Variants in CCDC18 observed in about 807,000 individuals in gnomAD.
The protein encoded by CCDC18 is coiled-coil domain-containing protein 18.
CCDC18 carries 157 observed loss-of-function variants against 196.0 expected under a neutral mutation model. The ratio of observed to expected loss-of-function variants is 0.80; its 90% CI spans 0.70 to 0.91. The LOEUF (loss-of-function observed/expected upper bound fraction) is 0.91. Ranked by LOEUF, CCDC18 falls within the 40% of genes least tolerant of loss-of-function variation. The probability of loss-of-function intolerance (pLI) is 0.00; values close to 1 mark genes in which losing one functional copy is unlikely to be tolerated. For synonymous variants in CCDC18, 482 were observed against 529.2 expected (o/e 0.91, Z 1.22); for missense variants, 1,465 against 1,611.6 (o/e 0.91, Z 1.56).
intron 25 of CCDC18, among the ~76,000 whole-genome samples, chr1:93,256,858 C>A (rs184677219): frequency 6.6e-6 from 1 of 152,104 alleles, no homozygotes; most frequent in Admixed American, 6.5e-5. Flanking sequence ...TAAGTGAGTT[C>A]GAGCTCTTAC....
Position 93,254,573 on chromosome 1 carries a change from G to C in CCDC18, c.3301G>C (p.Glu1101Gln), listed in dbSNP as rs1341882801. 2 of 1,610,596 alleles carry C rather than the reference G, an allele frequency of 1.2e-6. No homozygotes were observed. Among genetic ancestry groups the C allele is most frequent in the Non-Finnish European group, 1.7e-6 (2 of 1,178,626 alleles). ...NEQEISQLKK[E>Q]IERTQQRMKE... is the part of the protein sequence containing the mutation. ...ACAGGAGATAAGTCAACTGAAAAAA[G>C]AAATTGAAAGAACACAACAAAGGAT... The change falls in exon 24 of 29, where the codon GAA becomes CAA. Residue 1101 changes from glutamate to glutamine, a missense_variant. Coordinates refer to ENST00000690025, the MANE Select transcript of CCDC18 (RefSeq NM_001378204.1).
At chr1:93,268,349 TGCCTAGG>T (rs1664794559) in intron 27 of CCDC18, among the ~76,000 whole-genome samples, 1 of 152,178 alleles carries the variant, frequency 6.6e-6, no homozygotes, top group South Asian at 2.1e-4. Flanking sequence ...GCAATACCAT[TGCCTAGG>T]CATGGGCATA....
chr1:93,215,220 A>G (rs1656283199), intron 12 of CCDC18, among the ~76,000 whole-genome samples: 1 of 152,154 alleles, frequency 6.6e-6, no homozygotes, highest in Non-Finnish European at 1.5e-5. Context: ...ATAATATTGC[A>G]TTGCAGCCTA....
At chr1:93,188,285 T>C (rs1651071635) in intron 4 of CCDC18, among the ~76,000 whole-genome samples, 1 of 152,234 alleles carries the variant, frequency 6.6e-6, no homozygotes, top group African/African-American at 2.4e-5. Context: ...GCAATGGTTG[T>C]ACTTACTCTT....
intron 10 of CCDC18, 48 bp from the exon 11 acceptor site, chr1:93,212,053 T>G (rs1277669793): frequency 3.3e-6 from 5 of 1,506,374 alleles, no homozygotes; most frequent in Non-Finnish European, 4.5e-6. Context: ...TATGAGTTTT[T>G]TTATAGAATC....
Position 93,254,253 on chromosome 1 carries a change from G to C in CCDC18, c.3199-218G>C, listed in dbSNP as rs1002471279. Reference sequence around the variant, plus strand: ...TCTGAGAGGGTGCAGGATTCCTGTTGTTGTGGGGGAATATGAGTGGGTTAC... The same window carrying C: ...TCTGAGAGGGTGCAGGATTCCTGTTCTTGTGGGGGAATATGAGTGGGTTAC... On this transcript the variant is annotated intron_variant, in intron 23 of 28. Transcript: ENST00000690025. Among the ~76,000 whole-genome samples the C allele has an allele frequency of 2.0e-5, 3 of 152,146 alleles. No homozygotes were observed. The South Asian group carries it at 6.2e-4, about 32-fold the overall frequency.
In CCDC18 at chr1:93,223,743, C is replaced by T. The variant is rs568402137; in HGVS notation, c.2175+1807C>T. 2.6e-5 allele frequency among the ~76,000 whole-genome samples: 4 copies of T among 152,062 alleles called. No individual in the cohort carries two copies. The South Asian group carries it at 8.3e-4, about 32-fold the overall frequency. ...TTTCTACTTTAGATTCCCCAAAACC[C>T]CCACAAAAAAGTCTTAAACATAAAA... On this transcript the variant is annotated intron_variant, in intron 16 of 28. Transcript: ENST00000690025.
intron 4 of CCDC18, among the ~76,000 whole-genome samples, chr1:93,189,855 T>C (rs1651414301): frequency 6.6e-6 from 1 of 151,948 alleles, no homozygotes; most frequent in Non-Finnish European, 1.5e-5. Context: ...TTTGTAGAGA[T>C]GGAGTTTTGC....
At chr1:93,210,071 T>C (rs181720074) in intron 9 of CCDC18, among the ~76,000 whole-genome samples, 144 of 152,182 alleles carry the variant, frequency 9.5e-4, no homozygotes, top group Non-Finnish European at 1.6e-3. Flanking sequence ...AAAAGAATCA[T>C]TTGAGATATG....
intron 11 of CCDC18, among the ~76,000 whole-genome samples, chr1:93,214,512 C>T (rs1298979989): frequency 1.3e-5 from 2 of 152,146 alleles, no homozygotes; most frequent in South Asian, 4.1e-4. Flanking sequence ...ATAGTCTTAG[C>T]TACCTAGAAA....
intron 12 of CCDC18, 53 bp downstream of exon 12, chr1:93,215,019 G>A: frequency 8.5e-7 from 1 of 1,177,098 alleles, no homozygotes; most frequent in Non-Finnish European, 1.2e-6. Flanking sequence ...TAGAACAAAA[G>A]GTATTATTTT....
intron 18 of CCDC18, among the ~76,000 whole-genome samples, chr1:93,234,315 C>T (rs1405812122): frequency 2.6e-4 from 39 of 152,086 alleles, no homozygotes; most frequent in Non-Finnish European, 1.0e-4. Flanking sequence ...GTGCGCACCA[C>T]CACATCCAGC....
intron 4 of CCDC18, chr1:93,191,002 G>A: frequency 9.8e-7 from 1 of 1,017,492 alleles, no homozygotes. Flanking sequence ...CACTTTCTAG[G>A]GTTGGTGCTT....
At chr1:93,241,644 C>A (rs550894600) in intron 21 of CCDC18, among the ~76,000 whole-genome samples, 1 of 142,646 alleles carries the variant, frequency 7.0e-6, no homozygotes, top group East Asian at 2.1e-4. Flanking sequence ...ATTGTTTGAA[C>A]CTGGGAGGTG....
At chr1:93,200,555 A>ATC (rs1653656983) in intron 6 of CCDC18, among the ~76,000 whole-genome samples, 1 of 152,172 alleles carries the variant, frequency 6.6e-6, no homozygotes, top group Non-Finnish European at 1.5e-5. Flanking sequence ...GGTTAACATG[A>ATC]ATGTACAAAA....
intron 28 of CCDC18, among the ~76,000 whole-genome samples, chr1:93,274,591 T>C (rs1004322089): frequency 1.1e-4 from 16 of 152,042 alleles, no homozygotes; most frequent in African/African-American, 3.4e-4. Flanking sequence ...ACACCTTTAA[T>C]CCCAACACTT....
chr1:93,272,958 A>ACG (rs1553191153), intron 28 of CCDC18, among the ~76,000 whole-genome samples: 1 of 151,860 alleles, frequency 6.6e-6, no homozygotes, highest in Non-Finnish European at 1.5e-5. Context: ...TCTTGGATAA[A>ACG]AAGGGGCAGT....
chr1:93,180,932 C>T (rs2101244043), intron 1 of CCDC18, 80 bp downstream of exon 1: 1 of 1,304,470 alleles, frequency 7.7e-7, no homozygotes, highest in Non-Finnish European at 1.0e-6. Flanking sequence ...TGGGGGAGTT[C>T]TGTTCCTTTC....
At chr1:93,223,620 G>T (rs1479368256) in intron 16 of CCDC18, among the ~76,000 whole-genome samples, 1 of 152,144 alleles carries the variant, frequency 6.6e-6, no homozygotes, top group Non-Finnish European at 1.5e-5. Flanking sequence ...CAAGAAATCA[G>T]TAAATTAAAC....
Sources: gnomAD v4.1 joint callset for allele counts (sites outside exome capture counted in the v4.1 genomes callset) on GRCh38, gnomAD v4.1.1 for gene constraint, MANE v1.5 for transcripts, NCBI Gene and HGNC (gene_info 2026-07-23, HGNC 2026-07-21) for gene names.